The following NR3C2 variants were observed in gnomAD, a reference collection of about 807,000 sequenced individuals.
NR3C2 encodes the protein mineralocorticoid receptor.
Under a neutral mutation model 86.4 loss-of-function variants are expected in NR3C2, and 15 were observed. The ratio of observed to expected loss-of-function variants is 0.17; its 90% CI spans 0.12 to 0.27. The LOEUF (loss-of-function observed/expected upper bound fraction) is 0.27, where lower values mean the gene tolerates loss of function less well. Among genes scored for constraint, NR3C2 ranks in the 10% least tolerant of loss-of-function variants. NR3C2 has a pLI of 1.00. For missense variants in NR3C2, 960 were observed against 1,195.6 expected (o/e 0.80, Z 2.91); for synonymous variants, 458 against 450.5 (o/e 1.02, Z -0.21).
At chr4:148,400,255 G>A (rs989949575) in intron 2 of NR3C2, among the ~76,000 whole-genome samples, 4 of 152,130 alleles carry the variant, frequency 2.6e-5, no homozygotes, top group African/African-American at 9.7e-5. Context: ...TACATGAAGT[G>A]GGGAGCTGGG....
chr4:148,397,662 T>C (rs1158765637), intron 2 of NR3C2, among the ~76,000 whole-genome samples: 1 of 152,216 alleles, frequency 6.6e-6, no homozygotes, highest in Non-Finnish European at 1.5e-5. Flanking sequence ...AGCACCTTAT[T>C]TCAATTTTTT....
intron 2 of NR3C2, among the ~76,000 whole-genome samples, chr4:148,326,688 T>C (rs1743987323): frequency 6.6e-6 from 1 of 152,066 alleles, no homozygotes. Context: ...ACCAACTGTT[T>C]ACATAACATA....
chr4:148,305,846 A>T (rs1742588639), intron 2 of NR3C2, among the ~76,000 whole-genome samples: 1 of 152,210 alleles, frequency 6.6e-6, no homozygotes, highest in African/African-American at 2.4e-5. Flanking sequence ...AACTCATAGA[A>T]GTTATTAATT....
At chr4:148,203,473 CTG>C (rs1315710519) in intron 3 of NR3C2, among the ~76,000 whole-genome samples, 3 of 150,578 alleles carry the variant, frequency 2.0e-5, no homozygotes, top group African/African-American at 7.3e-5. Context: ...CAGTTGACAA[CTG>C]CCCAGCAACA....
chr4:148,199,414 A>T (rs560521748), intron 3 of NR3C2, among the ~76,000 whole-genome samples: 1 of 152,164 alleles, frequency 6.6e-6, no homozygotes, highest in Non-Finnish European at 1.5e-5. Context: ...TAGGCATGGG[A>T]TAAGATTCTG....
intron 4 of NR3C2, among the ~76,000 whole-genome samples, chr4:148,183,649 T>A (rs1252530936): frequency 6.6e-6 from 1 of 152,170 alleles, no homozygotes; most frequent in Admixed American, 6.5e-5. Flanking sequence ...TATCTCATAG[T>A]GTTGCTGTGA....
At chr4:148,204,422 C>T (rs994952554) in intron 3 of NR3C2, among the ~76,000 whole-genome samples, 3 of 152,232 alleles carry the variant, frequency 2.0e-5, no homozygotes, top group Admixed American at 1.3e-4. Context: ...TGTTGAATTC[C>T]TATTATGTGA....
At chr4:148,214,809 G>A (rs749052759) in intron 3 of NR3C2, among the ~76,000 whole-genome samples, 3 of 152,182 alleles carry the variant, frequency 2.0e-5, no homozygotes, top group Non-Finnish European at 4.4e-5. Flanking sequence ...GCTGGACGTC[G>A]AGAGTTTATA....
rs753072040 is a variant in NR3C2, at chr4:148,435,953, A to G, written c.908T>C (p.Ile303Thr). 5 of 1,614,052 alleles carry G rather than the reference A, an allele frequency of 3.1e-6. No individual in the cohort carries two copies. The East Asian group carries it at 6.7e-5, about 22-fold the overall frequency. Residue 303 changes from isoleucine to threonine, a missense_variant, in exon 2 of 9, where the codon ATT becomes ACT. Ile to Thr is a moderately conservative substitution (Grantham distance 89). This residue lies in a region of NR3C2 where 680 missense variants were observed against 719.0 expected (regional missense o/e 0.95). Coordinates refer to ENST00000358102, the MANE Select transcript of NR3C2 (RefSeq NM_000901.5). ...GGAAACAGAGCACCTTGAGTTGTTA[A>G]TATTTGCAGGGCTAGACACAGAGGA... is the stretch of plus-strand genomic sequence containing the variant. ...LRSSVSSPAN[I>T]NNSRCSVSSP...
intron 4 of NR3C2, among the ~76,000 whole-genome samples, chr4:148,187,039 TATATAA>T (rs1735956290): frequency 8.3e-5 from 11 of 133,016 alleles, no homozygotes; most frequent in South Asian, 2.4e-4. Context: ...TATATATATA[TATATAA>T]AGAAACTGTG....
At position 148,355,905 on chromosome 4, in the gene NR3C2, C is replaced by T. The variant is rs77790106; in HGVS notation, c.1757+79199G>A. ...ACCCTGGCCAAATTACTTAACCTTTCTGGGCCTGTCATTTCCTTGTTTTTA... is the reference window on the plus strand; with the variant it reads ...ACCCTGGCCAAATTACTTAACCTTTTTGGGCCTGTCATTTCCTTGTTTTTA... On this transcript the variant is annotated intron_variant, in intron 2 of 8. Transcript: ENST00000358102. Among the ~76,000 whole-genome samples the T allele has an allele frequency of 1.7e-3, 258 of 152,302 alleles. 2 individuals are homozygous for T. The highest frequency in any genetic ancestry group is 1.5e-3 in the Non-Finnish European group (104 of 68,022).
Position 148,178,948 on chromosome 4 carries a change from CAAAA to C in NR3C2, c.2014+15794_2014+15797del, listed in dbSNP as rs1057288181. Among the ~76,000 whole-genome samples, 6 of 125,414 alleles carry C rather than the reference CAAAA, an allele frequency of 4.8e-5. No individual in the cohort carries two copies. The East Asian group carries it at 1.4e-3, about 29-fold the overall frequency. The allele number at this position is 125,414 out of a possible 152,430, so 82.3% of individuals were successfully genotyped here. A position where few individuals can be genotyped will look rare whatever the true frequency, so the allele number is the denominator to read the frequency against. Reference sequence around the variant, plus strand: ...AGAAGCAGGTAAAAAAAAAAAAAAACAAAAAAAAACAACAAAACAAAACAAAGAG... The same window carrying C: ...AGAAGCAGGTAAAAAAAAAAAAAAACAAAAACAACAAAACAAAACAAAGAG... On this transcript the variant is annotated intron_variant, in intron 4 of 8. Transcript: ENST00000358102.
intron 4 of NR3C2, among the ~76,000 whole-genome samples, chr4:148,192,344 C>G (rs996188942): frequency 6.6e-6 from 1 of 152,186 alleles, no homozygotes; most frequent in Non-Finnish European, 1.5e-5. Context: ...GTCTATGGGT[C>G]TCTCAGGTGG....
chr4:148,166,247 TG>T (rs1734873013), intron 4 of NR3C2, among the ~76,000 whole-genome samples: 1 of 152,208 alleles, frequency 6.6e-6, no homozygotes, highest in South Asian at 2.1e-4. Context: ...TTGCTTCTCC[TG>T]TTTGGATTCC....
chr4:148,093,602 T>A (rs1038144990), intron 8 of NR3C2, among the ~76,000 whole-genome samples: 2 of 152,202 alleles, frequency 1.3e-5, no homozygotes, highest in South Asian at 2.1e-4. Flanking sequence ...GTCAGCGATA[T>A]GTTGGGGTTA....
intron 4 of NR3C2, among the ~76,000 whole-genome samples, chr4:148,188,564 A>G (rs1736044734): frequency 6.6e-6 from 1 of 151,944 alleles, no homozygotes; most frequent in African/African-American, 2.4e-5. Flanking sequence ...AGAGTTATTG[A>G]TTTCTGTACA....
At chr4:148,242,156 TTA>T (rs1304155277) in intron 3 of NR3C2, among the ~76,000 whole-genome samples, 1 of 152,204 alleles carries the variant, frequency 6.6e-6, no homozygotes, top group African/African-American at 2.4e-5. Flanking sequence ...TGTGAATGTC[TTA>T]ATGCTGCTGA....
At chr4:148,423,342 TTTC>T (rs1749373945) in intron 2 of NR3C2, among the ~76,000 whole-genome samples, 1 of 152,158 alleles carries the variant, frequency 6.6e-6, no homozygotes, top group Non-Finnish European at 1.5e-5. Flanking sequence ...TCCAGGCAAG[TTTC>T]ATTTGTCCTG....
Position 148,130,819 on chromosome 4 carries a change from GTTTTTT to G in NR3C2, c.2511-10537_2511-10532del, listed in dbSNP as rs376180676. Among the ~76,000 whole-genome samples the G allele has an allele frequency of 5.5e-3, 595 of 108,762 alleles. 4 individuals carry two copies. The highest frequency in any genetic ancestry group is 0.016 in the African/African-American group (437 of 26,852). 71.4% of individuals were successfully genotyped at this position (108,762 alleles called of 152,430 possible). On this transcript the variant is annotated intron_variant, in intron 6 of 8. Coordinates refer to ENST00000358102, the MANE Select transcript of NR3C2 (RefSeq NM_000901.5). Reference sequence around the variant, plus strand: ...TTTTTGTTTTGTTTTGTTTTGTTTTGTTTTTTTTTTTTTTTTTTTTTTGAGACAGAG... The same window carrying G: ...TTTTTGTTTTGTTTTGTTTTGTTTTGTTTTTTTTTTTTTTTTGAGACAGAG...
Sources: allele counts gnomAD v4.1 joint callset (sites outside exome capture counted in the v4.1 genomes callset), GRCh38; gene constraint gnomAD v4.1.1; regional missense constraint gnomAD v4.1.1; transcripts MANE v1.5; gene names NCBI Gene and HGNC (gene_info 2026-07-23, HGNC 2026-07-21).